Variants in CADM2 observed in about 807,000 individuals in gnomAD.
CADM2 encodes the protein cell adhesion molecule 2.
Under a neutral mutation model 49.8 loss-of-function variants are expected in CADM2, and 12 were observed. The observed-to-expected ratio is 0.24, with a 90% CI of 0.15 to 0.39. The LOEUF is 0.39. Ranked by LOEUF, CADM2 falls within the 10% of genes least tolerant of loss-of-function variation. CADM2 has a pLI of 1.00. For synonymous variants in CADM2, 214 were observed against 175.4 expected, an observed-to-expected ratio of 1.22 and a Z score of -1.74; for missense variants, 378 against 492.3, an observed-to-expected ratio of 0.77 and a Z score of 2.20.
chr3:86,039,623 G>C (rs1432801201), intron 8 of CADM2, among the ~76,000 whole-genome samples: 1 of 152,192 alleles, frequency 6.6e-6, no homozygotes, highest in South Asian at 2.1e-4. Context: ...AGCTCAAGGA[G>C]GCCTGCTGGC....
intron 8 of CADM2, among the ~76,000 whole-genome samples, chr3:86,064,641 A>G (rs60543061): frequency 0.034 from 5,207 of 152,218 alleles, 176 homozygotes; most frequent in African/African-American, 0.084. Context: ...ACTGTCTTCC[A>G]CAATGAAAAA....
chr3:85,920,632 C>A (rs1718982843), intron 6 of CADM2, among the ~76,000 whole-genome samples: 1 of 151,480 alleles, frequency 6.6e-6, no homozygotes, highest in Non-Finnish European at 1.5e-5. Context: ...GCACATTTTG[C>A]TCATGAGACA....
chr3:85,773,220 G>A (rs1272314020), intron 2 of CADM2, among the ~76,000 whole-genome samples: 1 of 152,002 alleles, frequency 6.6e-6, no homozygotes, highest in Non-Finnish European at 1.5e-5. Context: ...AGAAAACATA[G>A]CAGAGTGGTG....
At chr3:85,998,240 T>C (rs1041767586) in intron 8 of CADM2, among the ~76,000 whole-genome samples, 2 of 152,180 alleles carry the variant, frequency 1.3e-5, no homozygotes, top group Non-Finnish European at 2.9e-5. Flanking sequence ...AAAAACTATT[T>C]TCATACTGTG....
chr3:85,443,939 G>GCC (rs139639176), intron 1 of CADM2, among the ~76,000 whole-genome samples: 1 of 151,926 alleles, frequency 6.6e-6, no homozygotes. Flanking sequence ...GATTTAATGA[G>GCC]CCCCCCAAAT....
chr3:85,180,359 A>G (rs1221505674), intron 1 of CADM2, among the ~76,000 whole-genome samples: 1 of 151,898 alleles, frequency 6.6e-6, no homozygotes, highest in Non-Finnish European at 1.5e-5. Flanking sequence ...AAATTTAAAA[A>G]TTAGCCAGGC....
At chr3:85,857,621 C>T (rs142930033) in intron 3 of CADM2, among the ~76,000 whole-genome samples, 1 of 152,208 alleles carries the variant, frequency 6.6e-6, no homozygotes, top group African/African-American at 2.4e-5. Flanking sequence ...GGGTAACTCC[C>T]AGGCTCACTG....
chr3:85,605,700 G>A (rs2063521427), intron 1 of CADM2, among the ~76,000 whole-genome samples: 4 of 151,974 alleles, frequency 2.6e-5, no homozygotes, highest in Admixed American at 2.6e-4. Flanking sequence ...ACCTGTAATT[G>A]TAAGAAAAGC....
At chr3:85,468,602 A>G (rs62250716) in intron 1 of CADM2, among the ~76,000 whole-genome samples, 44,716 of 151,142 alleles carry the variant, frequency 0.3, 7,792 homozygotes, top group East Asian at 0.53. Flanking sequence ...TGACCAGAAT[A>G]TGCCATAAGA....
At chr3:85,553,476 A>G (rs1461380970) in intron 1 of CADM2, among the ~76,000 whole-genome samples, 1 of 152,144 alleles carries the variant, frequency 6.6e-6, no homozygotes, top group African/African-American at 2.4e-5. Context: ...TGTCACTTGG[A>G]ACAAATACTT....
intron 1 of CADM2, among the ~76,000 whole-genome samples, chr3:85,059,083 CAAAG>C (rs1446062277): frequency 4.0e-5 from 6 of 151,656 alleles, no homozygotes. Context: ...ACTAAAAATA[CAAAG>C]AATTAGCTGG....
chr3:85,070,968 A>C (rs1255424519), intron 1 of CADM2, among the ~76,000 whole-genome samples: 3 of 150,836 alleles, frequency 2.0e-5, no homozygotes, highest in African/African-American at 7.3e-5. Context: ...CAGCCTGGGC[A>C]ATAGAGCGAA....
At position 85,378,212 on chromosome 3, in the gene CADM2, A is replaced by G. The variant is rs558686194; in HGVS notation, c.62-348310A>G. On this transcript the variant is annotated intron_variant, in intron 1 of 9. Transcript: ENST00000383699. Reference sequence around the variant, plus strand: ...ATCTGTGCTTTTTAATATGAAGTATAAGATCTTACTTGGACCAGGTCTCTG... The same window carrying G: ...ATCTGTGCTTTTTAATATGAAGTATGAGATCTTACTTGGACCAGGTCTCTG... Among the ~76,000 whole-genome samples, 46 of 152,166 alleles carry G rather than the reference A, an allele frequency of 3.0e-4. 1 individual carries two copies. Among genetic ancestry groups the G allele is most frequent in the African/African-American group, 9.6e-4 (40 of 41,564 alleles).
chr3:85,035,722 A>G (rs2035184697), intron 1 of CADM2, among the ~76,000 whole-genome samples: 1 of 152,044 alleles, frequency 6.6e-6, no homozygotes, highest in Non-Finnish European at 1.5e-5. Flanking sequence ...GTCAAAAATG[A>G]GTTCTCTGTA....
chr3:86,057,082 T>C (rs1257542273), intron 8 of CADM2, among the ~76,000 whole-genome samples: 2 of 152,202 alleles, frequency 1.3e-5, no homozygotes, highest in Non-Finnish European at 2.9e-5. Context: ...ATGTTTTCTA[T>C]CTCTTAGATA....
chr3:85,524,421 T>C (rs545375963), intron 1 of CADM2, among the ~76,000 whole-genome samples: 1 of 152,254 alleles, frequency 6.6e-6, no homozygotes, highest in Admixed American at 6.5e-5. Flanking sequence ...CATTTAGTTA[T>C]TTATATGTTT....
intron 1 of CADM2, among the ~76,000 whole-genome samples, chr3:85,441,241 A>T (rs1309228962): frequency 1.3e-5 from 2 of 152,120 alleles, no homozygotes; most frequent in South Asian, 2.1e-4. Flanking sequence ...CAAAATGAAT[A>T]TTATTAGAAA....
At chr3:85,976,613 A>G (rs558646262) in intron 8 of CADM2, among the ~76,000 whole-genome samples, 1 of 151,714 alleles carries the variant, frequency 6.6e-6, no homozygotes, top group Admixed American at 6.6e-5. Flanking sequence ...AAACACATAG[A>G]ACAAAATGAA....
chr3:85,511,719 A>G (rs764108728), intron 1 of CADM2: 2 of 184,442 alleles, frequency 1.1e-5, no homozygotes, highest in African/African-American at 4.8e-5. Context: ...CATCATAAAG[A>G]TCTCCGGGGT....
Sources: allele counts gnomAD v4.1 joint callset (sites outside exome capture counted in the v4.1 genomes callset), GRCh38; gene constraint gnomAD v4.1.1; transcripts MANE v1.5; gene names NCBI Gene and HGNC (gene_info 2026-07-23, HGNC 2026-07-21).